The following SMARCA2 variants were observed in gnomAD, a reference collection of about 807,000 sequenced individuals.
SMARCA2 encodes SWI/SNF related BAF chromatin remodeling complex subunit ATPase 2, also known as SWI/SNF-related matrix-associated actin-dependent regulator of chromatin subfamily A member 2.
A neutral mutation model predicts 199.8 loss-of-function variants in SMARCA2; 61 were observed. The observed-to-expected ratio is 0.31, with a 90% confidence interval of 0.25 to 0.38. The LOEUF (loss-of-function observed/expected upper bound fraction) is 0.38. Among genes scored for constraint, SMARCA2 ranks in the 10% least tolerant of loss-of-function variants. SMARCA2 has a pLI of 1.00. For synonymous variants in SMARCA2, 935 were observed against 732.0 expected (o/e 1.28, Z -4.48); for missense variants, 1,344 against 2,012.2 (o/e 0.67, Z 6.35).
Position 2,084,068 on chromosome 9 carries a change from T to G in SMARCA2, c.2416-18T>G. 6.9e-7 allele frequency: 1 copy of G among 1,453,800 alleles called. No individual in the cohort carries two copies. Among genetic ancestry groups the G allele is most frequent in the African/African-American group, 1.4e-5 (1 of 71,780 alleles). 90.1% of individuals were successfully genotyped at this position (1,453,800 alleles called of 1,614,324 possible). A position where few individuals can be genotyped will look rare whatever the true frequency, so the allele number is the denominator to read the frequency against. The stretch of plus-strand genomic sequence containing the variant: ...TATGTCCATAGGATCATGCATGTAT[T>G]TTTTTCTTTCCATTCAGGGTACTCC... On this transcript the variant is annotated intron_variant, in intron 16 of 33. Transcript: ENST00000349721.
intron 25 of SMARCA2, 79 bp downstream of exon 25, chr9:2,116,128 T>A: frequency 9.4e-7 from 1 of 1,067,804 alleles, no homozygotes; most frequent in Non-Finnish European, 1.4e-6. Context: ...TCCCTTTGTT[T>A]AAAAAACTTC....
chr9:2,106,419 A>G (rs1371405561), intron 23 of SMARCA2, among the ~76,000 whole-genome samples: 1 of 152,234 alleles, frequency 6.6e-6, no homozygotes, highest in African/African-American at 2.4e-5. Flanking sequence ...CAGAGTCCTT[A>G]CCATTAGGTG....
chr9:2,187,383 TC>T (rs2129957227), intron 32 of SMARCA2, among the ~76,000 whole-genome samples: 1 of 152,274 alleles, frequency 6.6e-6, no homozygotes, highest in East Asian at 1.9e-4. Flanking sequence ...GTTGAAAATT[TC>T]TTCTTAGTGA....
In SMARCA2 at chr9:2,033,017, T is replaced by C. The variant is rs756297297; in HGVS notation, c.291T>C (p.Thr97=). The change falls in exon 3 of 34, where the codon ACT becomes ACC. Residue 97 remains threonine (T), a synonymous_variant. Coordinates refer to ENST00000349721, the MANE Select transcript of SMARCA2 (RefSeq NM_003070.5). The part of the protein sequence containing the change: ...EDIHCGSMKG[T]GMRPPHPGMG... ...TCCATTGTGGATCCATGAAGGGCAC[T>C]GGTATGCGACCACCTCACCCAGGCA... is the stretch of plus-strand genomic sequence containing the variant. 1 of 1,614,076 alleles carries C rather than the reference T, an allele frequency of 6.2e-7. No homozygotes were observed. Among genetic ancestry groups the C allele is most frequent in the Admixed American group, 1.7e-5 (1 of 60,026 alleles).
At position 2,109,336 on chromosome 9, in the gene SMARCA2, T is replaced by G. The variant is rs371482080; in HGVS notation, c.3293-918T>G. Among the ~76,000 whole-genome samples the G allele has an allele frequency of 5.9e-5, 9 of 152,318 alleles. No individual in the cohort carries two copies. In the South Asian group the frequency reaches 8.3e-4, roughly 14 times the overall value. ...ATGTTCAGATGGAATACTGGTGTTT[T>G]TTTTTTCTCCCCTTCCACAATGCAT... On this transcript the variant is annotated intron_variant, in intron 23 of 33. Coordinates refer to ENST00000349721, the MANE Select transcript of SMARCA2 (RefSeq NM_003070.5).
Position 2,039,533 on chromosome 9 carries a change from A to G in SMARCA2, c.423A>G (p.Gly141=). 1 of 1,614,008 alleles carries G rather than the reference A, an allele frequency of 6.2e-7. No individual in the cohort carries two copies. The highest frequency in any genetic ancestry group is 1.1e-5 in the South Asian group (1 of 91,072). ...ACGTCTCCAGCCCTATGTCTGGAGGAGGCCCAACTCCACCTCAGATGCCAC... is the reference window on the plus strand; with the variant it reads ...ACGTCTCCAGCCCTATGTCTGGAGGGGGCCCAACTCCACCTCAGATGCCAC... ...PEHVSSPMSG[G]GPTPPQMPPS... is the part of the protein sequence containing the mutation. The change falls in exon 4 of 34, where the codon GGA becomes GGG. Residue 141 remains glycine, a synonymous_variant. Transcript: ENST00000349721. This position sits in a 1 kb window ranked among gnomAD's most constrained non-coding sequence, Gnocchi z 4.8.
intron 5 of SMARCA2, 94 bp downstream of exon 5, chr9:2,047,578 A>C: frequency 1.7e-6 from 2 of 1,187,672 alleles, no homozygotes; most frequent in Non-Finnish European, 2.1e-6. Flanking sequence ...TTGGTTGGCC[A>C]AACTGTGATT....
At chr9:2,070,396 A>G (rs1821038209) in intron 9 of SMARCA2, 22 bp from the exon 10 acceptor site, 5 of 1,611,070 alleles carry the variant, frequency 3.1e-6, no homozygotes, top group South Asian at 1.1e-5. Context: ...TACTTATAAC[A>G]TTCGACATTG....
chr9:2,067,455 A>G (rs554124434), intron 9 of SMARCA2, among the ~76,000 whole-genome samples: 7 of 152,356 alleles, frequency 4.6e-5, no homozygotes, highest in African/African-American at 1.7e-4. Flanking sequence ...AATTATAGAC[A>G]TAAAAGAATA....
intron 10 of SMARCA2, 47 bp downstream of exon 10, chr9:2,070,518 G>C: frequency 7.1e-7 from 1 of 1,413,048 alleles, no homozygotes. Context: ...AATGGAGTCT[G>C]TGCCATACCT....
chr9:2,144,738 G>A (rs1195045254), intron 27 of SMARCA2, among the ~76,000 whole-genome samples: 3 of 152,144 alleles, frequency 2.0e-5, no homozygotes, highest in East Asian at 1.9e-4. Flanking sequence ...CCTCCAGGGG[G>A]GCAGTAGTGA....
At chr9:2,032,865 A>T in intron 2 of SMARCA2, 87 bp from the exon 3 acceptor site, 1 of 1,280,004 alleles carries the variant, frequency 7.8e-7, no homozygotes, top group Non-Finnish European at 1.1e-6. Context: ...CCACACTTTT[A>T]AAGAACTTAG....
At chr9:2,168,943 G>A (rs1353226633) in intron 28 of SMARCA2, among the ~76,000 whole-genome samples, 3 of 152,074 alleles carry the variant, frequency 2.0e-5, no homozygotes, top group South Asian at 2.1e-4. Flanking sequence ...TCTGTAAAGC[G>A]TTCTAAGGTA....
intron 27 of SMARCA2, among the ~76,000 whole-genome samples, chr9:2,134,008 T>A (rs1330138861): frequency 6.6e-6 from 1 of 152,184 alleles, no homozygotes; most frequent in East Asian, 1.9e-4. Context: ...ACCTACTTGA[T>A]AGGGTATTCT....
At chr9:2,067,588 G>A (rs1820900836) in intron 9 of SMARCA2, among the ~76,000 whole-genome samples, 1 of 152,202 alleles carries the variant, frequency 6.6e-6, no homozygotes. Context: ...GCCCTAGGAA[G>A]CAGGCACTGT....
intron 1 of SMARCA2, chr9:2,027,910 A>G (rs1471754278): frequency 6.6e-6 from 1 of 152,260 alleles, no homozygotes; most frequent in Non-Finnish European, 1.5e-5. Flanking sequence ...GAATTCAGCT[A>G]TCTTGCCGGC....
chr9:2,039,948 T>A lies in SMARCA2; in HGVS notation c.790+48T>A, dbSNP rs1362818211. On this transcript the variant is annotated intron_variant, in intron 4 of 33. Coordinates refer to ENST00000349721, the MANE Select transcript of SMARCA2 (RefSeq NM_003070.5). The surrounding 1 kb of genome is among the most constrained non-coding windows in gnomAD (Gnocchi z 4.8). ...GAATAATGCCATGGTCCAACTCGGA[T>A]AACAAAGACTGCTCACCAAAACACC... 2.5e-6 allele frequency: 4 copies of A among 1,597,798 alleles called. No homozygotes were observed. In the Admixed American group the frequency reaches 5.0e-5, roughly 20 times the overall value.
Position 2,039,761 on chromosome 9 carries a change from A to ACAACAGCAGCAG in SMARCA2, c.666_677dup (p.Gln235_Gln238dup). The ACAACAGCAGCAG allele has an allele frequency of 2.5e-6, 4 of 1,610,494 alleles. No individual in the cohort carries two copies. The highest frequency in any genetic ancestry group is 1.1e-5 in the South Asian group (1 of 90,560). On this transcript the variant is annotated inframe_insertion, in exon 4 of 34. Transcript: ENST00000349721. This position sits in a 1 kb window ranked among gnomAD's most constrained non-coding sequence, Gnocchi z 4.8. Reference sequence around the variant, plus strand: ...AAAGGACGTTGCCTGGCTTGCAGCAACAACAGCAGCAGCAACAGCAGCAGC... The same window carrying ACAACAGCAGCAG: ...AAAGGACGTTGCCTGGCTTGCAGCAACAACAGCAGCAGCAACAGCAGCAGCAACAGCAGCAGC...
chr9:2,154,671 C>CA (rs1279907681), intron 27 of SMARCA2, among the ~76,000 whole-genome samples: 1 of 152,196 alleles, frequency 6.6e-6, no homozygotes, highest in Non-Finnish European at 1.5e-5. Context: ...GCTCAGGCCT[C>CA]ACACATTCAT....
Sources: allele counts gnomAD v4.1 joint callset (sites outside exome capture counted in the v4.1 genomes callset), GRCh38; gene constraint gnomAD v4.1.1; non-coding constraint Gnocchi (gnomAD v3.1); transcripts MANE v1.5; gene names NCBI Gene and HGNC (gene_info 2026-07-23, HGNC 2026-07-21).